The following NTM variants were observed in gnomAD, a reference collection of about 807,000 sequenced individuals.
NTM encodes the protein neurotrimin.
In NTM, 13 loss-of-function variants were observed where a neutral mutation model predicts 42.1. The ratio of observed to expected loss-of-function variants is 0.31; its 90% CI spans 0.20 to 0.49. NTM has a LOEUF of 0.49. Among genes scored for constraint, NTM ranks in the 20% least tolerant of loss-of-function variants. The pLI is 0.99. For synonymous variants in NTM, 187 were observed against 179.2 expected, an observed-to-expected ratio of 1.04 and a Z score of -0.35; for missense variants, 373 against 452.8, an observed-to-expected ratio of 0.82 and a Z score of 1.60.
intron 2 of NTM, among the ~76,000 whole-genome samples, chr11:131,999,935 C>T (rs562400862): frequency 2.0e-5 from 3 of 152,196 alleles, no homozygotes; most frequent in East Asian, 1.9e-4. Context: ...TTCTTCCTCT[C>T]CTCCTCCCCT....
intron 1 of NTM, among the ~76,000 whole-genome samples, chr11:131,727,341 G>A (rs2079088100): frequency 6.6e-6 from 1 of 151,984 alleles, no homozygotes; most frequent in Admixed American, 6.6e-5. Context: ...AAAAGGAAAT[G>A]AAAGGAGAAA....
At chr11:131,741,915 T>G (rs2081251378) in intron 1 of NTM, among the ~76,000 whole-genome samples, 1 of 152,280 alleles carries the variant, frequency 6.6e-6, no homozygotes, top group South Asian at 2.1e-4. Flanking sequence ...TGAGATCATG[T>G]CCTTTGCCGG....
intron 1 of NTM, among the ~76,000 whole-genome samples, chr11:131,888,094 A>T (rs1424214921): frequency 6.6e-6 from 1 of 152,150 alleles, no homozygotes; most frequent in African/African-American, 2.4e-5. Context: ...TGAAATTAGG[A>T]CTTCGAGACC....
intron 1 of NTM, among the ~76,000 whole-genome samples, chr11:131,734,333 C>T (rs1194415649): frequency 6.6e-6 from 1 of 152,208 alleles, no homozygotes; most frequent in African/African-American, 2.4e-5. Flanking sequence ...CTGTGAGATC[C>T]AGTACATTGC....
At chr11:131,401,799 AATATATATATATATATATATATAT>A (rs61167647) in intron 1 of NTM, among the ~76,000 whole-genome samples, 1,509 of 34,980 alleles carry the variant, frequency 0.043, 85 homozygotes, top group Non-Finnish European at 0.057. Flanking sequence ...GGCCACTGGA[AATATATATATATATATATATATAT>A]ATATATATAT....
At chr11:132,032,963 T>C (rs540811450) in intron 2 of NTM, among the ~76,000 whole-genome samples, 1 of 152,312 alleles carries the variant, frequency 6.6e-6, no homozygotes, top group Non-Finnish European at 1.5e-5. Context: ...TTAGTAAACA[T>C]TTTTGAGCTT....
intron 2 of NTM, among the ~76,000 whole-genome samples, chr11:132,128,750 T>TA (rs968548199): frequency 0.01 from 1,504 of 146,242 alleles, 19 homozygotes; most frequent in African/African-American, 0.03. Context: ...CCGTCTCTAC[T>TA]AAAAAAAAAA....
intron 3 of NTM, among the ~76,000 whole-genome samples, chr11:132,148,332 C>T (rs1389088213): frequency 1.3e-5 from 2 of 151,928 alleles, no homozygotes; most frequent in African/African-American, 4.8e-5. Context: ...GATAGGGAGG[C>T]CAAAAATGCT....
intron 1 of NTM, among the ~76,000 whole-genome samples, chr11:131,483,538 A>G (rs1219151109): frequency 6.6e-6 from 1 of 152,236 alleles, no homozygotes; most frequent in African/African-American, 2.4e-5. Context: ...GAGACACTGA[A>G]AGTGGAAATT....
intron 2 of NTM, among the ~76,000 whole-genome samples, chr11:132,112,196 A>T (rs2063301895): frequency 7.6e-6 from 1 of 131,212 alleles, no homozygotes; most frequent in Non-Finnish European, 1.7e-5. Flanking sequence ...TGTTATGCAG[A>T]TTGGAGCATC....
intron 1 of NTM, among the ~76,000 whole-genome samples, chr11:131,381,574 T>C (rs1392166253): frequency 6.6e-6 from 1 of 152,168 alleles, no homozygotes; most frequent in Non-Finnish European, 1.5e-5. Context: ...TACTGCTAAC[T>C]CCTTGTCCAA....
rs147161101 is a variant in NTM, at chr11:132,277,685, T to A, written c.527-30004T>A. 6.1e-3 allele frequency among the ~76,000 whole-genome samples: 936 copies of A among 152,292 alleles called. 14 individuals carry two copies. Among genetic ancestry groups the A allele is most frequent in the African/African-American group, 0.022 (910 of 41,548 alleles). On this transcript the variant is annotated intron_variant, in intron 4 of 8. Transcript: ENST00000683400. ...CAAAAGCATTACTTTTAGAGGTATT[T>A]TTGAAATATGTCTAGGGAAAATAGT...
At chr11:132,272,652 T>C (rs772939003) in intron 4 of NTM, among the ~76,000 whole-genome samples, 5 of 152,162 alleles carry the variant, frequency 3.3e-5, no homozygotes, top group Non-Finnish European at 7.4e-5. Context: ...AAGAGTTGCT[T>C]TTGTAAATTC....
chr11:131,761,811 AT>A (rs1321458394), intron 1 of NTM, among the ~76,000 whole-genome samples: 1 of 1,802 alleles, frequency 5.5e-4, no homozygotes, highest in Non-Finnish European at 1.8e-3. Flanking sequence ...CTCTGTCTCA[AT>A]AAATAAATAA....
chr11:131,734,275 C>T (rs2080120992), intron 1 of NTM, among the ~76,000 whole-genome samples: 2 of 152,192 alleles, frequency 1.3e-5, no homozygotes, highest in Non-Finnish European at 2.9e-5. Context: ...TTTGGAGTGG[C>T]TGAATGGCCG....
At chr11:132,020,497 T>C (rs1396535910) in intron 2 of NTM, among the ~76,000 whole-genome samples, 2 of 152,098 alleles carry the variant, frequency 1.3e-5, no homozygotes, top group African/African-American at 4.8e-5. Context: ...TAATATTTTG[T>C]CTATTTGAGT....
intron 2 of NTM, among the ~76,000 whole-genome samples, chr11:131,978,297 GTTTTA>G (rs927042049): frequency 6.6e-6 from 1 of 152,136 alleles, no homozygotes; most frequent in Admixed American, 6.5e-5. Context: ...TTTTATGCAT[GTTTTA>G]TTTTATTACA....
At chr11:131,411,540 CGTGTGTGTGTGTGTGTGT>C (rs5795724) in intron 1 of NTM, among the ~76,000 whole-genome samples, 144 of 129,766 alleles carry the variant, frequency 1.1e-3, no homozygotes, top group Middle Eastern at 7.7e-3. Context: ...TAGGGGGGGC[CGTGTGTGTGTGTGTGTGT>C]GTGTGTGTGT....
At chr11:132,102,009 G>C (rs1464169223) in intron 2 of NTM, among the ~76,000 whole-genome samples, 1 of 152,170 alleles carries the variant, frequency 6.6e-6, no homozygotes, top group Admixed American at 6.5e-5. Flanking sequence ...ACTGCTGGAA[G>C]GTAGAATTGC....
Sources: allele counts gnomAD v4.1 joint callset (sites outside exome capture counted in the v4.1 genomes callset), GRCh38; gene constraint gnomAD v4.1.1; transcripts MANE v1.5; gene names NCBI Gene and HGNC (gene_info 2026-07-23, HGNC 2026-07-21).